PPP3CC: variants seen among roughly 807,000 people sequenced by gnomAD.
The protein encoded by PPP3CC is protein phosphatase 3 catalytic subunit gamma, also known as serine/threonine-protein phosphatase 2B catalytic subunit gamma isoform.
In PPP3CC, 35 loss-of-function variants were observed where a neutral mutation model predicts 60.3. The observed-to-expected ratio is 0.58, with a 90% CI of 0.44 to 0.77. PPP3CC has a LOEUF of 0.77. Among genes scored for constraint, PPP3CC ranks in the 30% least tolerant of loss-of-function variants. The pLI is 0.00. For synonymous variants in PPP3CC, 206 were observed against 224.3 expected (o/e 0.92, Z 0.73); for missense variants, 570 against 628.9 (o/e 0.91, Z 1.00).
At position 22,480,558 on chromosome 8, in the gene PPP3CC, A is replaced by T. The variant is rs56864195; in HGVS notation, c.372+4934A>T. ...CAGTGGTGCAATCTCAGCTCACTGC[A>T]TCCTCCGCCTCCCAGGTTCAAGTGA... is the stretch of plus-strand genomic sequence containing the variant. On this transcript the variant is annotated intron_variant, in intron 3 of 13. Coordinates refer to ENST00000240139, the MANE Select transcript of PPP3CC (RefSeq NM_005605.5). 1.6e-3 allele frequency among the ~76,000 whole-genome samples: 246 copies of T among 152,156 alleles called. 2 individuals are homozygous for T. The highest frequency in any genetic ancestry group is 5.7e-3 in the African/African-American group (236 of 41,520).
At chr8:22,524,374 G>A (rs995555482) in intron 8 of PPP3CC, among the ~76,000 whole-genome samples, 7 of 152,162 alleles carry the variant, frequency 4.6e-5, no homozygotes, top group East Asian at 1.9e-4. Context: ...AGTCATTTTA[G>A]TGTGTCCTCC....
intron 3 of PPP3CC, among the ~76,000 whole-genome samples, chr8:22,477,301 AC>A (rs1168019845): frequency 6.6e-6 from 1 of 152,072 alleles, no homozygotes; most frequent in African/African-American, 2.4e-5. Flanking sequence ...ACATGGTGAA[AC>A]CCCATCTCTA....
At chr8:22,468,743 A>G (rs1176826664) in intron 1 of PPP3CC, among the ~76,000 whole-genome samples, 2 of 152,216 alleles carry the variant, frequency 1.3e-5, no homozygotes, top group African/African-American at 4.8e-5. Context: ...TGTTGGAGGC[A>G]TTGGTGACGG....
chr8:22,525,503 T>TTTC (rs1297960561), intron 8 of PPP3CC, among the ~76,000 whole-genome samples: 158 of 88,148 alleles, frequency 1.8e-3, no homozygotes, highest in African/African-American at 7.7e-3. Flanking sequence ...TCTTTCTTTC[T>TTTC]TTCTTTCTTT....
chr8:22,539,531 A>G lies in PPP3CC; in HGVS notation c.1351+33A>G, dbSNP rs17060905. The stretch of plus-strand genomic sequence containing the variant: ...CATATTACTCTGATAGATGTGATCC[A>G]TGTGTCTGTGTACTGGTTTTTCGAA... On this transcript the variant is annotated intron_variant, in intron 13 of 13. Coordinates refer to ENST00000240139, the MANE Select transcript of PPP3CC (RefSeq NM_005605.5). The G allele has an allele frequency of 1.7e-5, 28 of 1,606,996 alleles. No homozygotes were observed. The East Asian group carries it at 5.1e-4, about 29-fold the overall frequency.
At chr8:22,483,372 C>T (rs538355555) in intron 3 of PPP3CC, among the ~76,000 whole-genome samples, 8 of 152,022 alleles carry the variant, frequency 5.3e-5, no homozygotes, top group Non-Finnish European at 7.4e-5. Context: ...CTGCAGGCTC[C>T]GCCTCCAGGG....
chr8:22,514,016 C>T (rs552840739), intron 6 of PPP3CC, among the ~76,000 whole-genome samples: 76 of 152,176 alleles, frequency 5.0e-4, no homozygotes, highest in Middle Eastern at 3.4e-3. Context: ...GGTGCCTAGG[C>T]GGGCGGATCA....
At chr8:22,501,940 T>C (rs2132520073) in intron 4 of PPP3CC, among the ~76,000 whole-genome samples, 1 of 152,204 alleles carries the variant, frequency 6.6e-6, no homozygotes, top group East Asian at 1.9e-4. Flanking sequence ...GACTGAAGGA[T>C]AGATTGAGCC....
At chr8:22,534,808 C>T (rs531109952) in intron 12 of PPP3CC, among the ~76,000 whole-genome samples, 1 of 152,314 alleles carries the variant, frequency 6.6e-6, no homozygotes, top group African/African-American at 2.4e-5. Context: ...ATTATGGACA[C>T]ATGCTACAAC....
At chr8:22,540,176 T>A (rs1839928214) in intron 13 of PPP3CC, among the ~76,000 whole-genome samples, 2 of 152,204 alleles carry the variant, frequency 1.3e-5, no homozygotes, top group Admixed American at 1.3e-4. Context: ...GCTCTTTTGT[T>A]ACTTTTTTTT....
At chr8:22,469,580 C>T (rs547959047) in intron 1 of PPP3CC, among the ~76,000 whole-genome samples, 2 of 152,110 alleles carry the variant, frequency 1.3e-5, no homozygotes, top group East Asian at 3.9e-4. Flanking sequence ...AAAAAAGCTA[C>T]AGCTTCTTCC....
intron 4 of PPP3CC, among the ~76,000 whole-genome samples, chr8:22,505,513 G>A (rs1426062363): frequency 6.6e-5 from 10 of 152,056 alleles, no homozygotes; most frequent in Non-Finnish European, 1.5e-4. Context: ...TTAGATTGTG[G>A]TATATCCATA....
chr8:22,517,397 T>C (rs1026968461), intron 6 of PPP3CC, among the ~76,000 whole-genome samples: 2 of 152,070 alleles, frequency 1.3e-5, no homozygotes, highest in African/African-American at 2.4e-5. Flanking sequence ...TTGGAAGAAT[T>C]CTCTCTTCTA....
chr8:22,469,157 AAAAAC>A (rs1225133579), intron 1 of PPP3CC, among the ~76,000 whole-genome samples: 6 of 152,358 alleles, frequency 3.9e-5, no homozygotes, highest in African/African-American at 7.2e-5. Context: ...TCAACCATAA[AAAAAC>A]AAAACAAAAT....
At chr8:22,499,040 C>T (rs1838679777) in intron 4 of PPP3CC, among the ~76,000 whole-genome samples, 1 of 151,982 alleles carries the variant, frequency 6.6e-6, no homozygotes, top group African/African-American at 2.4e-5. Flanking sequence ...AGGAGAATGG[C>T]TTGAACCCGG....
intron 1 of PPP3CC, among the ~76,000 whole-genome samples, chr8:22,466,445 A>C (rs1390471046): frequency 6.6e-6 from 1 of 152,150 alleles, no homozygotes; most frequent in African/African-American, 2.4e-5. Flanking sequence ...TGATTTACAC[A>C]CCCACCAACG....
chr8:22,467,894 G>A (rs149319953), intron 1 of PPP3CC, among the ~76,000 whole-genome samples: 3 of 152,276 alleles, frequency 2.0e-5, no homozygotes, highest in Non-Finnish European at 2.9e-5. Flanking sequence ...GTGTCCTCAC[G>A]TGGCAGAAGG....
intron 6 of PPP3CC, among the ~76,000 whole-genome samples, chr8:22,518,114 A>G (rs965431847): frequency 2.6e-5 from 4 of 151,456 alleles, no homozygotes; most frequent in African/African-American, 9.7e-5. Context: ...CCCAGGCTCA[A>G]TGCAGTGGCA....
intron 6 of PPP3CC, among the ~76,000 whole-genome samples, chr8:22,521,484 C>G (rs1001495490): frequency 1.5e-4 from 23 of 152,102 alleles, no homozygotes; most frequent in Admixed American, 9.8e-4. Context: ...TCCAAGCAGC[C>G]CTTCCTAGTC....
Sources: allele counts gnomAD v4.1 joint callset (sites outside exome capture counted in the v4.1 genomes callset), GRCh38; gene constraint gnomAD v4.1.1; transcripts MANE v1.5; gene names NCBI Gene and HGNC (gene_info 2026-07-23, HGNC 2026-07-21).